The following MOXD1 variants were observed in gnomAD, a reference collection of about 807,000 sequenced individuals.
MOXD1 encodes the protein DBH-like monooxygenase protein 1.
Under a neutral mutation model 66.6 loss-of-function variants are expected in MOXD1, and 62 were observed. The observed-to-expected ratio is 0.93, with a 90% CI of 0.76 to 1.15. MOXD1 has a LOEUF of 1.15. Ranked by LOEUF, MOXD1 falls within the 50% of genes most tolerant of loss-of-function variation. The pLI is 0.00. For missense variants in MOXD1, 847 were observed against 754.6 expected (o/e 1.12, Z -1.44); for synonymous variants, 303 against 281.9 (o/e 1.07, Z -0.75).
In MOXD1 at chr6:132,336,828, T is replaced by G. The variant is rs188331161; in HGVS notation, c.664-8234A>C. Among the ~76,000 whole-genome samples the G allele has an allele frequency of 1.7e-3, 264 of 152,312 alleles. 1 individual carries two copies. The highest frequency in any genetic ancestry group is 5.1e-4 in the Non-Finnish European group (35 of 68,024). ...CCCTTACTGTAATCCCGAATTCTCA[T>G]GCGTCTACCATCTTCAAACACAACC... On this transcript the variant is annotated intron_variant, in intron 4 of 11. Coordinates refer to ENST00000367963, the MANE Select transcript of MOXD1 (RefSeq NM_015529.4).
intron 4 of MOXD1, among the ~76,000 whole-genome samples, chr6:132,370,356 C>A (rs1338388): frequency 0.28 from 42,360 of 151,846 alleles, 6,991 homozygotes; most frequent in East Asian, 0.67. Context: ...GAATAAGTTG[C>A]AAATGAAAAC....
intron 1 of MOXD1, among the ~76,000 whole-genome samples, chr6:132,388,068 C>T (rs987347897): frequency 6.6e-6 from 1 of 151,396 alleles, no homozygotes; most frequent in African/African-American, 2.4e-5. Context: ...TTACTATAAT[C>T]TCTCCCACCT....
chr6:132,395,553 A>G (rs748675737), intron 1 of MOXD1, among the ~76,000 whole-genome samples: 3 of 152,170 alleles, frequency 2.0e-5, no homozygotes, highest in Non-Finnish European at 4.4e-5. Context: ...GAATGTAAAC[A>G]AATTAAAACT....
At chr6:132,312,437 G>T (rs1033162130) in intron 10 of MOXD1, among the ~76,000 whole-genome samples, 1 of 152,088 alleles carries the variant, frequency 6.6e-6, no homozygotes, top group Non-Finnish European at 1.5e-5. Context: ...GTTTGAGCCA[G>T]CACCTTGTTA....
intron 10 of MOXD1, among the ~76,000 whole-genome samples, chr6:132,300,265 T>C (rs1219425404): frequency 6.6e-6 from 1 of 152,152 alleles, no homozygotes; most frequent in Non-Finnish European, 1.5e-5. Context: ...TTAAACATAT[T>C]GTGACAATTT....
At chr6:132,334,479 C>A (rs561987521) in intron 4 of MOXD1, among the ~76,000 whole-genome samples, 2 of 152,216 alleles carry the variant, frequency 1.3e-5, no homozygotes, top group Non-Finnish European at 2.9e-5. Context: ...TGAATCACTC[C>A]TGTCATCTGC....
intron 1 of MOXD1, among the ~76,000 whole-genome samples, chr6:132,384,556 G>C (rs1415071066): frequency 1.3e-5 from 2 of 152,180 alleles, no homozygotes; most frequent in Non-Finnish European, 2.9e-5. Context: ...ATAACAGGGG[G>C]ATCAGAAGGC....
At chr6:132,309,309 A>T (rs561921323) in intron 10 of MOXD1, among the ~76,000 whole-genome samples, 1 of 152,202 alleles carries the variant, frequency 6.6e-6, no homozygotes, top group African/African-American at 2.4e-5. Flanking sequence ...AATACAGCTA[A>T]CAAGGGATGT....
intron 11 of MOXD1, 53 bp from the exon 12 acceptor site, chr6:132,297,370 A>G (rs970044118): frequency 1.9e-6 from 3 of 1,577,756 alleles, no homozygotes; most frequent in South Asian, 2.3e-5. Context: ...AAGGCAGCAC[A>G]GTGACCAGGC....
In MOXD1 at chr6:132,322,869, G is replaced by T. The variant is rs1235739392; in HGVS notation, c.1115C>A (p.Ala372Asp). Reference sequence around the variant, plus strand: ...TCCACTTGGCTTTTCGGCTTCCAGAGCCTACAGGAGACACCGAGGAAGACC... The same window carrying T: ...TCCACTTGGCTTTTCGGCTTCCAGATCCTACAGGAGACACCGAGGAAGACC... ...GHCTLECLEE[A>D]LEAEKPSGIH... Residue 372 changes from alanine (A) to aspartate (D), a missense_variant and splice_region_variant, in exon 8 of 12, where the codon GCT becomes GAT. Physicochemically the swap from Ala to Asp is moderately radical, Grantham distance 126. Coordinates refer to ENST00000367963, the MANE Select transcript of MOXD1 (RefSeq NM_015529.4). 1 of 1,608,978 alleles carries T rather than the reference G, an allele frequency of 6.2e-7. No individual in the cohort carries two copies. The highest frequency in any genetic ancestry group is 8.5e-7 in the Non-Finnish European group (1 of 1,178,012).
At chr6:132,352,739 C>G (rs999145803) in intron 4 of MOXD1, among the ~76,000 whole-genome samples, 1 of 151,898 alleles carries the variant, frequency 6.6e-6, no homozygotes, top group African/African-American at 2.4e-5. Flanking sequence ...TATTGAAGTC[C>G]CTCATTATTA....
intron 4 of MOXD1, among the ~76,000 whole-genome samples, chr6:132,346,134 A>C (rs1775665414): frequency 6.6e-6 from 1 of 152,086 alleles, no homozygotes; most frequent in Admixed American, 6.5e-5. Context: ...TTAATTACTA[A>C]CACATGATTC....
At chr6:132,389,421 T>G (rs1776711632) in intron 1 of MOXD1, among the ~76,000 whole-genome samples, 1 of 151,498 alleles carries the variant, frequency 6.6e-6, no homozygotes, top group Admixed American at 6.6e-5. Flanking sequence ...TTTTCCATGC[T>G]TCTGCAGGTT....
chr6:132,386,417 ACAAAACAAAACAAAAC>A, intron 1 of MOXD1, among the ~76,000 whole-genome samples: 1 of 145,056 alleles, frequency 6.9e-6, no homozygotes, highest in African/African-American at 2.6e-5. Context: ...ACAAAACAAA[ACAAAACAAAACAAAAC>A]AAAAAAAAAA....
intron 10 of MOXD1, among the ~76,000 whole-genome samples, chr6:132,309,953 A>T (rs570325664): frequency 2.2e-4 from 34 of 152,382 alleles, no homozygotes; most frequent in African/African-American, 8.2e-4. Flanking sequence ...CAAAGACTTC[A>T]TGACAAAAAC....
At chr6:132,334,488 G>T (rs1166381091) in intron 4 of MOXD1, among the ~76,000 whole-genome samples, 1 of 152,200 alleles carries the variant, frequency 6.6e-6, no homozygotes, top group Non-Finnish European at 1.5e-5. Flanking sequence ...CCTGTCATCT[G>T]CTCCTTCTCA....
chr6:132,370,252 C>G (rs529384246), intron 4 of MOXD1, among the ~76,000 whole-genome samples: 4 of 152,038 alleles, frequency 2.6e-5, no homozygotes, highest in Admixed American at 2.6e-4. Context: ...TATTAGAAAT[C>G]CTCTCTACTA....
chr6:132,386,774 T>G (rs1182714810), intron 1 of MOXD1, among the ~76,000 whole-genome samples: 3 of 151,492 alleles, frequency 2.0e-5, no homozygotes, highest in Non-Finnish European at 4.4e-5. Flanking sequence ...ATGCTCATGA[T>G]CTCACAATCT....
At position 132,303,849 on chromosome 6, in the gene MOXD1, A is replaced by G. The variant is rs1434999192; in HGVS notation, c.1509-5894T>C. Among the ~76,000 whole-genome samples, 203 of 54,194 alleles carry G rather than the reference A, an allele frequency of 3.7e-3. 1 individual carries two copies. Among genetic ancestry groups the G allele is most frequent in the South Asian group, 0.023 (34 of 1,486 alleles). 35.6% of individuals were successfully genotyped at this position (54,194 alleles called of 152,430 possible). On this transcript the variant is annotated intron_variant, in intron 10 of 11. Transcript: ENST00000367963. Reference sequence around the variant, plus strand: ...TGTGTGTGTGTGTATATATATATATATATATATATATATATATATATATAT... The same window carrying G: ...TGTGTGTGTGTGTATATATATATATGTATATATATATATATATATATATAT...
Sources: allele counts gnomAD v4.1 joint callset (sites outside exome capture counted in the v4.1 genomes callset), GRCh38; gene constraint gnomAD v4.1.1; transcripts MANE v1.5; gene names NCBI Gene and HGNC (gene_info 2026-07-23, HGNC 2026-07-21).